HMBOX1: variants seen among roughly 807,000 people sequenced by gnomAD.
The protein encoded by HMBOX1 is homeobox containing 1.
HMBOX1 carries 14 observed loss-of-function variants against 54.5 expected under a neutral mutation model. The observed-to-expected ratio is 0.26, with a 90% confidence interval of 0.17 to 0.40. The LOEUF (loss-of-function observed/expected upper bound fraction) is 0.40. Ranked by LOEUF, HMBOX1 falls within the 10% of genes least tolerant of loss-of-function variation. HMBOX1 has a pLI of 1.00. For synonymous variants in HMBOX1, 160 were observed against 181.0 expected (o/e 0.88, Z 0.93); for missense variants, 332 against 514.4 (o/e 0.65, Z 3.43).
chr8:29,008,974 C>G (rs373840336), intron 4 of HMBOX1, 98 bp from the exon 5 acceptor site: 5 of 863,868 alleles, frequency 5.8e-6, no homozygotes, highest in Non-Finnish European at 9.3e-6. Context: ...GGACTGGACA[C>G]AGAGAATAAA....
At chr8:29,048,744 A>G in intron 8 of HMBOX1, 2 of 510,048 alleles carry the variant, frequency 3.9e-6, no homozygotes, top group South Asian at 2.9e-5. Flanking sequence ...ACAGCAGCAG[A>G]GACCCCAGAA....
intron 1 of HMBOX1, among the ~76,000 whole-genome samples, chr8:28,940,268 A>G (rs548932863): frequency 3.9e-5 from 6 of 152,222 alleles, no homozygotes; most frequent in Admixed American, 1.3e-4. Context: ...CAGCCTCCCA[A>G]AGTGCTGGGA....
chr8:28,971,162 G>C lies in HMBOX1; in HGVS notation c.500+643G>C, dbSNP rs1170680048. ...GCTGGAGTGCAATGGCGTGATCTCG[G>C]CTCACCACAATCTCTGCCTTTCCAG... On this transcript the variant is annotated intron_variant, in intron 3 of 9. Transcript: ENST00000287701. Among the ~76,000 whole-genome samples the C allele has an allele frequency of 2.0e-5, 3 of 146,974 alleles. No homozygotes were observed. In the East Asian group the frequency reaches 6.0e-4, roughly 29 times the overall value.
chr8:28,943,321 T>C (rs1228669024), intron 1 of HMBOX1, among the ~76,000 whole-genome samples: 1 of 152,184 alleles, frequency 6.6e-6, no homozygotes, highest in Non-Finnish European at 1.5e-5. Context: ...AAAGCTTATA[T>C]ACTGAGTGGA....
At chr8:28,973,908 G>A (rs181782467) in intron 3 of HMBOX1, among the ~76,000 whole-genome samples, 68 of 140,190 alleles carry the variant, frequency 4.9e-4, no homozygotes, top group Non-Finnish European at 1.7e-4. Context: ...TTCGCCTCCC[G>A]GGTTAAAGCG....
At chr8:28,983,842 G>T (rs1829780819) in intron 4 of HMBOX1, among the ~76,000 whole-genome samples, 1 of 152,152 alleles carries the variant, frequency 6.6e-6, no homozygotes, top group Non-Finnish European at 1.5e-5. Flanking sequence ...TACTTCAGTT[G>T]TTTATATCAG....
At chr8:28,956,497 A>G (rs1824474051) in intron 1 of HMBOX1, among the ~76,000 whole-genome samples, 1 of 151,838 alleles carries the variant, frequency 6.6e-6, no homozygotes, top group Non-Finnish European at 1.5e-5. Context: ...TTTACATATA[A>G]TGTAAGATAA....
intron 1 of HMBOX1, among the ~76,000 whole-genome samples, chr8:28,891,959 A>G (rs1008647807): frequency 6.6e-6 from 1 of 152,242 alleles, no homozygotes; most frequent in Admixed American, 6.5e-5. Context: ...CTGCAGGTAC[A>G]GAAACCTCTG....
chr8:28,931,720 T>G (rs2131906474), intron 1 of HMBOX1, among the ~76,000 whole-genome samples: 1 of 152,160 alleles, frequency 6.6e-6, no homozygotes, highest in East Asian at 1.9e-4. Flanking sequence ...TTTTTCATTT[T>G]TGTAGAGATG....
At chr8:28,900,101 A>G (rs1812913052) in intron 1 of HMBOX1, among the ~76,000 whole-genome samples, 3 of 151,326 alleles carry the variant, frequency 2.0e-5, no homozygotes, top group Admixed American at 2.0e-4. Flanking sequence ...ATACTAAAAC[A>G]TTAGCTGGGC....
intron 1 of HMBOX1, among the ~76,000 whole-genome samples, chr8:28,904,964 T>C (rs2131603774): frequency 6.6e-6 from 1 of 152,250 alleles, no homozygotes; most frequent in South Asian, 2.1e-4. Context: ...CATGAGCTAC[T>C]GCGCCCGGCC....
At chr8:28,955,562 ACT>A (rs1237696252) in intron 1 of HMBOX1, among the ~76,000 whole-genome samples, 4 of 151,900 alleles carry the variant, frequency 2.6e-5, no homozygotes, top group Non-Finnish European at 4.4e-5. Context: ...ACTTGATAAA[ACT>A]CTAATTCTTT....
chr8:28,897,605 G>A (rs1812400038), intron 1 of HMBOX1, among the ~76,000 whole-genome samples: 2 of 152,176 alleles, frequency 1.3e-5, no homozygotes, highest in Admixed American at 1.3e-4. Context: ...GAACCTGGGA[G>A]GCGGAGGTTG....
chr8:28,893,766 T>C (rs1811510024), intron 1 of HMBOX1, among the ~76,000 whole-genome samples: 1 of 152,234 alleles, frequency 6.6e-6, no homozygotes, highest in African/African-American at 2.4e-5. Context: ...CTATTGCTTG[T>C]TTCATAGATA....
At chr8:29,003,465 A>G (rs1832939911) in intron 4 of HMBOX1, among the ~76,000 whole-genome samples, 1 of 141,514 alleles carries the variant, frequency 7.1e-6, no homozygotes, top group African/African-American at 2.6e-5. Flanking sequence ...CCCCAAGTGT[A>G]TGTTTTTAAA....
intron 4 of HMBOX1, among the ~76,000 whole-genome samples, chr8:29,006,241 C>A (rs571667172): frequency 6.8e-4 from 103 of 152,244 alleles, no homozygotes; most frequent in African/African-American, 2.5e-3. Flanking sequence ...AATCCACCCA[C>A]CTCTGCCTCC....
At chr8:29,049,458 A>T in intron 9 of HMBOX1, 22 of 1,493,030 alleles carry the variant, frequency 1.5e-5, no homozygotes, top group Non-Finnish European at 2.0e-5. Context: ...GCTGGACCCC[A>T]TGCCTAAACA....
intron 2 of HMBOX1, 52 bp downstream of exon 2, chr8:28,963,942 T>G (rs773885670): frequency 7.3e-7 from 1 of 1,363,440 alleles, no homozygotes; most frequent in Non-Finnish European, 1.0e-6. Context: ...TTTAGTAAAG[T>G]TAAGATGTCA....
chr8:29,030,837 A>G (rs1465851634), intron 6 of HMBOX1, among the ~76,000 whole-genome samples: 1 of 152,208 alleles, frequency 6.6e-6, no homozygotes, highest in Non-Finnish European at 1.5e-5. Flanking sequence ...CTCATGATCT[A>G]TCTTAATACT....
Sources: allele counts gnomAD v4.1 joint callset (sites outside exome capture counted in the v4.1 genomes callset), GRCh38; gene constraint gnomAD v4.1.1; transcripts MANE v1.5; gene names NCBI Gene and HGNC (gene_info 2026-07-23, HGNC 2026-07-21).